Variants in ZFYVE28 observed in about 807,000 individuals in gnomAD.
ZFYVE28 encodes the protein zinc finger FYVE-type containing 28, also known as lateral signaling target protein 2 homolog.
In ZFYVE28, 40 loss-of-function variants were observed where a neutral mutation model predicts 82.1. That is an observed-to-expected ratio of 0.49 (90% CI 0.38 to 0.63). The LOEUF (loss-of-function observed/expected upper bound fraction) is 0.63, where lower values mean the gene tolerates loss of function less well. Among genes scored for constraint, ZFYVE28 ranks in the 30% least tolerant of loss-of-function variants. The pLI, the probability that ZFYVE28 is intolerant of heterozygous loss-of-function variation, is 0.00. For synonymous variants in ZFYVE28, 612 were observed against 546.1 expected (o/e 1.12, Z -1.68); for missense variants, 1,321 against 1,242.1 (o/e 1.06, Z -0.96).
At chr4:2,365,726 A>G (rs1317010297) in intron 1 of ZFYVE28, among the ~76,000 whole-genome samples, 3 of 152,154 alleles carry the variant, frequency 2.0e-5, no homozygotes. Context: ...GACGTCTCCC[A>G]GGCCCTCCAG....
chr4:2,273,399 C>A, intron 9 of ZFYVE28, 110 bp from the exon 10 acceptor site: 1 of 916,290 alleles, frequency 1.1e-6, no homozygotes, highest in Non-Finnish European at 1.7e-6. Context: ...CCCAGGCCAG[C>A]GTGTTCTCAG....
At chr4:2,391,070 G>C (rs1489094619) in intron 1 of ZFYVE28, among the ~76,000 whole-genome samples, 1 of 152,238 alleles carries the variant, frequency 6.6e-6, no homozygotes, top group African/African-American at 2.4e-5. Context: ...CTGCCTGTGG[G>C]CACGCAGCCT....
intron 2 of ZFYVE28, chr4:2,342,929 G>C (rs1036476069): frequency 2.0e-5 from 3 of 152,198 alleles, no homozygotes; most frequent in Non-Finnish European, 4.4e-5. Context: ...TCTTCCGAGG[G>C]CCTGTTTTCA....
intron 6 of ZFYVE28, among the ~76,000 whole-genome samples, chr4:2,321,723 G>A (rs1719102950): frequency 6.6e-6 from 1 of 152,164 alleles, no homozygotes; most frequent in Non-Finnish European, 1.5e-5. Flanking sequence ...CCAAGCCTCA[G>A]GGAAGCCATC....
At position 2,341,348 on chromosome 4, in the gene ZFYVE28, A is replaced by T; in HGVS notation, c.318+130T>A. ...AGGCTCAGACCACACCACGTAACCC[A>T]GAGTGGACGGAGCTCTTGGAGGAGA... On this transcript the variant is annotated intron_variant, in intron 3 of 12. Transcript: ENST00000290974. This position sits in a 1 kb window ranked among gnomAD's most constrained non-coding sequence, Gnocchi z 4.5. 7.7e-7 allele frequency: 1 copy of T among 1,302,788 alleles called. No homozygotes were observed. The highest frequency in any genetic ancestry group is 1.1e-6 in the Non-Finnish European group (1 of 938,910). The allele number at this position is 1,302,788 out of a possible 1,614,324, so 80.7% of individuals were successfully genotyped here. A position where few individuals can be genotyped will look rare whatever the true frequency, so the allele number is the denominator to read the frequency against.
intron 2 of ZFYVE28, among the ~76,000 whole-genome samples, chr4:2,352,109 C>T (rs1724554825): frequency 6.6e-6 from 1 of 152,056 alleles, no homozygotes; most frequent in Admixed American, 6.6e-5. Flanking sequence ...ATTTTAGATC[C>T]AAGTTAGGTT....
Position 2,339,777 on chromosome 4 carries a change from G to T in ZFYVE28, c.319-122C>A. 1 of 839,310 alleles carries T rather than the reference G, an allele frequency of 1.2e-6. No individual in the cohort carries two copies. Among genetic ancestry groups the T allele is most frequent in the Non-Finnish European group, 1.8e-6 (1 of 553,604 alleles). 52.0% of individuals were successfully genotyped at this position (839,310 alleles called of 1,614,324 possible). A position where few individuals can be genotyped will look rare whatever the true frequency, so the allele number is the denominator to read the frequency against. On this transcript the variant is annotated intron_variant, in intron 3 of 12. Transcript: ENST00000290974. The surrounding 1 kb of genome is among the most constrained non-coding windows in gnomAD (Gnocchi z 5.0). ...TCTTCTCACCCCACAGCACAGGCCA[G>T]CTCGTGTTCCCGGTCCCCGCAGGAG...
chr4:2,304,932 C>T lies in ZFYVE28; in HGVS notation c.1408G>A (p.Gly470Arg), dbSNP rs1177794284. ...NNNLEAEGTDGASLAGTSSCS... is the reference protein window; with the variant it reads ...NNNLEAEGTDRASLAGTSSCS... ...GAGCTGGTGCCCGCGAGGCTGGCCC[C>T]ATCTGTGCCCTCGGCCTCGAGATTG... The change falls in exon 8 of 13, where the codon GGG becomes AGG. Residue 470 changes from glycine (G) to arginine (R), a missense_variant. Gly to Arg is a moderately radical substitution (Grantham distance 125). Coordinates refer to ENST00000290974, the MANE Select transcript of ZFYVE28 (RefSeq NM_020972.3). 1 of 1,612,724 alleles carries T rather than the reference C, an allele frequency of 6.2e-7. No homozygotes were observed.
At position 2,320,350 on chromosome 4, in the gene ZFYVE28, G is replaced by A. The variant is rs1035226046; in HGVS notation, c.702-79C>T. On this transcript the variant is annotated intron_variant, in intron 6 of 12. Coordinates refer to ENST00000290974, the MANE Select transcript of ZFYVE28 (RefSeq NM_020972.3). The surrounding 1 kb of genome is among the most constrained non-coding windows in gnomAD (Gnocchi z 5.1). Reference sequence around the variant, plus strand: ...CGCGGACGGCCCAACTTAACCACCTGCGAAAACCACGCCCGCTGGGACTCT... The same window carrying A: ...CGCGGACGGCCCAACTTAACCACCTACGAAAACCACGCCCGCTGGGACTCT... 2.6e-4 allele frequency: 344 copies of A among 1,330,778 alleles called. No homozygotes were observed. Among genetic ancestry groups the A allele is most frequent in the Non-Finnish European group, 3.4e-4 (319 of 952,198 alleles). The allele number at this position is 1,330,778 out of a possible 1,614,324, so 82.4% of individuals were successfully genotyped here.
chr4:2,387,736 G>A (rs1729424544), intron 1 of ZFYVE28, among the ~76,000 whole-genome samples: 2 of 152,190 alleles, frequency 1.3e-5, no homozygotes, highest in Admixed American at 1.3e-4. Flanking sequence ...CAAAAAGAAG[G>A]GGGAAGTTAC....
chr4:2,341,542 C>T lies in ZFYVE28; in HGVS notation c.254G>A (p.Cys85Tyr). The change falls in exon 3 of 13, where the codon TGC becomes TAC. Residue 85 changes from cysteine (C) to tyrosine (Y), a missense_variant. By Grantham distance (194) the Cys-to-Tyr change is radical (BLOSUM62 -2). Coordinates refer to ENST00000290974, the MANE Select transcript of ZFYVE28 (RefSeq NM_020972.3). This position sits in a 1 kb window ranked among gnomAD's most constrained non-coding sequence, Gnocchi z 4.5. ...IPQDRAPRDFCVKFPEEIRHD... is the reference protein window; with the variant it reads ...IPQDRAPRDFYVKFPEEIRHD... ...CCGGATCTCCTCAGGGAACTTGACG[C>T]AGAAATCTCTGGGGGCGCGGTCCTG... 1.2e-6 allele frequency: 2 copies of T among 1,614,094 alleles called. No individual in the cohort carries two copies. The highest frequency in any genetic ancestry group is 1.7e-6 in the Non-Finnish European group (2 of 1,180,024).
At chr4:2,273,789 C>T (rs1448110907) in intron 9 of ZFYVE28, among the ~76,000 whole-genome samples, 1 of 152,182 alleles carries the variant, frequency 6.6e-6, no homozygotes, top group Non-Finnish European at 1.5e-5. Context: ...TGATGCCTAG[C>T]GCCTGGCTCT....
At position 2,394,131 on chromosome 4, in the gene ZFYVE28, C is replaced by T. The variant is rs1246180802; in HGVS notation, c.39+24154G>A. On this transcript the variant is annotated intron_variant, in intron 1 of 12. Transcript: ENST00000290974. This position sits in a 1 kb window ranked among gnomAD's most constrained non-coding sequence, Gnocchi z 4.0. ...CCCAGGCCCAGCTCCTCTGACTCTC[C>T]TGCCCCCTTCTCCACTACTGAGGAC... 6.6e-6 allele frequency among the ~76,000 whole-genome samples: 1 copy of T among 152,238 alleles called. No individual in the cohort carries two copies. Among genetic ancestry groups the T allele is most frequent in the Non-Finnish European group, 1.5e-5 (1 of 68,040 alleles).
chr4:2,318,783 T>TA (rs1385376760), intron 7 of ZFYVE28, among the ~76,000 whole-genome samples: 6 of 152,172 alleles, frequency 3.9e-5, no homozygotes, highest in Non-Finnish European at 7.3e-5. Flanking sequence ...CTCATACCTG[T>TA]AATCCCAACC....
intron 1 of ZFYVE28, among the ~76,000 whole-genome samples, chr4:2,387,077 G>GGGGCCGGGGCCA (rs1729342866): frequency 6.6e-6 from 1 of 151,952 alleles, no homozygotes; most frequent in African/African-American, 2.4e-5. Flanking sequence ...GGCCGGGGCC[G>GGGGCCGGGGCCA]GGGCCACTCC....
At position 2,291,686 on chromosome 4, in the gene ZFYVE28, G is replaced by A. The variant is rs149899017; in HGVS notation, c.2051+12603C>T. Among the ~76,000 whole-genome samples, 11 of 152,330 alleles carry A rather than the reference G, an allele frequency of 7.2e-5. No individual in the cohort carries two copies. In the East Asian group the frequency reaches 1.7e-3, roughly 24 times the overall value. The stretch of plus-strand genomic sequence containing the variant: ...TGCACCTCAAGGGGCAGCACTACAG[G>A]CCTGGACTCTGCCCAGCTCCTTCTC... On this transcript the variant is annotated intron_variant, in intron 8 of 12. Transcript: ENST00000290974.
At chr4:2,357,018 A>C (rs1725430559) in intron 1 of ZFYVE28, among the ~76,000 whole-genome samples, 1 of 152,086 alleles carries the variant, frequency 6.6e-6, no homozygotes, top group South Asian at 2.1e-4. Context: ...TCAGCCTCCC[A>C]AGTAGCTGGG....
intron 1 of ZFYVE28, among the ~76,000 whole-genome samples, chr4:2,381,032 CAGA>C (rs1395992740): frequency 1.3e-5 from 2 of 152,126 alleles, no homozygotes; most frequent in Non-Finnish European, 2.9e-5. Flanking sequence ...TTGGAGGGCT[CAGA>C]AGAAGACAGG....
rs2108838025 is a variant in ZFYVE28, at chr4:2,320,749, T to C, written c.702-478A>G. 6.6e-6 allele frequency among the ~76,000 whole-genome samples: 1 copy of C among 152,252 alleles called. No homozygotes were observed. Among genetic ancestry groups the C allele is most frequent in the African/African-American group, 2.4e-5 (1 of 41,548 alleles). On this transcript the variant is annotated intron_variant, in intron 6 of 12. Transcript: ENST00000290974. The surrounding 1 kb of genome is among the most constrained non-coding windows in gnomAD (Gnocchi z 5.1). ...CCGCACGGGTTCCCTTCCTGCAGCC[T>C]GGCCAACGCTCCACAAGCCACGAGA...
Sources: allele counts gnomAD v4.1 joint callset (sites outside exome capture counted in the v4.1 genomes callset), GRCh38; gene constraint gnomAD v4.1.1; non-coding constraint Gnocchi (gnomAD v3.1); transcripts MANE v1.5; gene names NCBI Gene and HGNC (gene_info 2026-07-23, HGNC 2026-07-21).